The following RANBP2 variants were observed in gnomAD, a reference collection of about 807,000 sequenced individuals.
The protein encoded by RANBP2 is RAN binding protein 2.
RANBP2 carries 57 observed loss-of-function variants against 303.6 expected under a neutral mutation model. That is an observed-to-expected ratio of 0.19 (90% CI 0.15 to 0.23). The LOEUF is 0.23. Among genes scored for constraint, RANBP2 ranks in the 10% least tolerant of loss-of-function variants. The pLI is 1.00. For synonymous variants in RANBP2, 1,167 were observed against 1,301.5 expected, an observed-to-expected ratio of 0.90 and a Z score of 2.23; for missense variants, 3,138 against 3,780.8, an observed-to-expected ratio of 0.83 and a Z score of 4.46.
At chr2:109,167,428 G>C in the RANBP2 span, among the ~76,000 whole-genome samples, 3 of 152,176 alleles carry the variant, frequency 2.0e-5, no homozygotes, top group African/African-American at 7.2e-5. Context: ...TTATATCCTG[G>C]CAAGGGGTGA....
the RANBP2 span, among the ~76,000 whole-genome samples, chr2:109,277,300 G>C: frequency 1.1e-4 from 17 of 152,176 alleles, no homozygotes; most frequent in Admixed American, 1.1e-3. Flanking sequence ...GGATCACTGA[G>C]GTTTGCAGAT....
At chr2:108,919,802 G>A in the RANBP2 span, among the ~76,000 whole-genome samples, 8 of 152,202 alleles carry the variant, frequency 5.3e-5, no homozygotes, top group African/African-American at 1.9e-4. Context: ...CCCGCACTAC[G>A]AAGCTGCCTC....
At chr2:109,189,080 C>A in the RANBP2 span, among the ~76,000 whole-genome samples, 39,825 of 151,944 alleles carry the variant, frequency 0.26, 5,558 homozygotes, top group East Asian at 0.42. Context: ...ACTCACTCCC[C>A]CTGAAGCCAC....
intron 17 of RANBP2, 57 bp from the exon 18 acceptor site, chr2:108,758,356 T>G: frequency 6.2e-7 from 1 of 1,607,970 alleles, no homozygotes; most frequent in African/African-American, 1.3e-5. Flanking sequence ...CCAGCACTGT[T>G]TCTGTCATGA....
the RANBP2 span, among the ~76,000 whole-genome samples, chr2:109,113,356 T>G: frequency 6.6e-6 from 1 of 151,954 alleles, no homozygotes; most frequent in South Asian, 2.1e-4. Flanking sequence ...TCACGTCCCT[T>G]GTAAGTTGGA....
the RANBP2 span, among the ~76,000 whole-genome samples, chr2:109,520,499 T>C: frequency 8.0e-5 from 11 of 137,202 alleles, no homozygotes; most frequent in Non-Finnish European, 1.7e-4. Context: ...ACTCAGAAGG[T>C]TGAGGCAGAA....
chr2:108,768,153 T>C lies in RANBP2; in HGVS notation c.7614T>C (p.Ser2538=). The part of the protein sequence containing the change: ...EKSKPFAFGN[S]SATGSLFGFS... ...CAAAACCATTTGCATTCGGCAACAGTTCAGCCACTGGGTCTTTGTTTGGAT... is the reference window on the plus strand; with the variant it reads ...CAAAACCATTTGCATTCGGCAACAGCTCAGCCACTGGGTCTTTGTTTGGAT... The change falls in exon 20 of 29, where the codon AGT becomes AGC. Residue 2538 remains serine, a synonymous_variant. Transcript: ENST00000283195. The C allele has an allele frequency of 6.2e-7, 1 of 1,612,052 alleles. No homozygotes were observed. Among genetic ancestry groups the C allele is most frequent in the Non-Finnish European group, 8.5e-7 (1 of 1,179,864 alleles).
At chr2:109,281,413 A>C in the RANBP2 span, among the ~76,000 whole-genome samples, 1 of 152,218 alleles carries the variant, frequency 6.6e-6, no homozygotes. Context: ...TGACAGTCTC[A>C]GAGCAGGATG....
the RANBP2 span, among the ~76,000 whole-genome samples, chr2:109,486,861 A>G: frequency 6.6e-6 from 1 of 152,182 alleles, no homozygotes; most frequent in Admixed American, 6.5e-5. Flanking sequence ...TTCTCGGCAG[A>G]TCTGTCTCCC....
chr2:109,257,902 C>G, the RANBP2 span, among the ~76,000 whole-genome samples: 5 of 152,124 alleles, frequency 3.3e-5, no homozygotes, highest in Non-Finnish European at 7.3e-5. Context: ...ACACCAGGGC[C>G]AGGGCTGTCC....
chr2:109,423,717 T>G, the RANBP2 span, among the ~76,000 whole-genome samples: 1 of 152,124 alleles, frequency 6.6e-6, no homozygotes, highest in Non-Finnish European at 1.5e-5. Context: ...TGCCCAGCCT[T>G]GTGGTCAGCC....
chr2:108,763,592 C>T lies in RANBP2; in HGVS notation c.3053C>T (p.Ser1018Phe). The change falls in exon 20 of 29, where the codon TCT becomes TTT. Residue 1018 changes from serine (S) to phenylalanine (F), a missense_variant. This residue lies in a region of RANBP2 where 403 missense variants were observed against 376.7 expected (regional missense o/e 1.07). Transcript: ENST00000283195. The stretch of plus-strand genomic sequence containing the variant: ...ATGCCGGGTGAAGGATTAAGGCCAT[C>T]TTTGCCAACACAAGCACACACAACA... ...QPMPGEGLRP[S>F]LPTQAHTTQP... The T allele has an allele frequency of 6.2e-7, 1 of 1,614,112 alleles. No individual in the cohort carries two copies. Among genetic ancestry groups the T allele is most frequent in the Non-Finnish European group, 8.5e-7 (1 of 1,179,994 alleles).
the RANBP2 span, among the ~76,000 whole-genome samples, chr2:109,105,610 A>G: frequency 6.6e-6 from 1 of 152,188 alleles, no homozygotes; most frequent in Non-Finnish European, 1.5e-5. Context: ...GCTGGAGTAC[A>G]GTGGCGCAAT....
At chr2:109,357,478 G>T in the RANBP2 span, among the ~76,000 whole-genome samples, 6 of 152,212 alleles carry the variant, frequency 3.9e-5, no homozygotes, top group African/African-American at 1.4e-4. Flanking sequence ...ACCGCACCCG[G>T]CCAACAGAAT....
chr2:109,593,336 C>G, the RANBP2 span, among the ~76,000 whole-genome samples: 1 of 151,346 alleles, frequency 6.6e-6, no homozygotes, highest in Non-Finnish European at 1.5e-5. Flanking sequence ...TCAACATATA[C>G]AGTAATATAC....
the RANBP2 span, among the ~76,000 whole-genome samples, chr2:108,796,138 T>C: frequency 1.3e-5 from 2 of 152,144 alleles, no homozygotes; most frequent in African/African-American, 4.8e-5. Flanking sequence ...AAGCTCCGCC[T>C]CCTGGGTTCA....
In RANBP2 at chr2:108,764,407, G is replaced by A. The variant is rs1303074462; in HGVS notation, c.3868G>A (p.Glu1290Lys). The change falls in exon 20 of 29, where the codon GAA (glutamate) becomes AAA (lysine). Residue 1290 changes from glutamate (E) to lysine (K), a missense_variant. Transcript: ENST00000283195. ...QLAIRFKTPE[E>K]AALFKCKFEE... ...TGCTATTAGGTTCAAAACTCCTGAGGAAGCAGCACTTTTTAAATGCAAGTT... is the reference window on the plus strand; with the variant it reads ...TGCTATTAGGTTCAAAACTCCTGAGAAAGCAGCACTTTTTAAATGCAAGTT... 3 of 1,613,990 alleles carry A rather than the reference G, an allele frequency of 1.9e-6. No individual in the cohort carries two copies. Among genetic ancestry groups the A allele is most frequent in the Non-Finnish European group, 2.5e-6 (3 of 1,179,962 alleles).
At chr2:109,094,084 G>A in the RANBP2 span, among the ~76,000 whole-genome samples, 4 of 152,144 alleles carry the variant, frequency 2.6e-5, no homozygotes, top group Non-Finnish European at 5.9e-5. Flanking sequence ...TTTTGGGGAT[G>A]GTTAATGGCA....
rs1466297697 is a variant in RANBP2, at chr2:108,782,384, C to T, written c.9017C>T (p.Thr3006Ile). 3 of 1,613,882 alleles carry T rather than the reference C, an allele frequency of 1.9e-6. No individual in the cohort carries two copies. Among genetic ancestry groups the T allele is most frequent in the African/African-American group, 1.3e-5 (1 of 74,928 alleles). Residue 3006 changes from threonine (T) to isoleucine (I), a missense_variant, in exon 27 of 29, where the codon ACT becomes ATT. Thr to Ile is a moderately conservative substitution (Grantham distance 89). Around this residue, in one of 20 missense-constraint regions of RANBP2, gnomAD observed 204 missense variants for 228.4 expected, o/e 0.89. Transcript: ENST00000283195. ...GTTTCAAATAATGCTTTAGTTTGGA[C>T]TGCCTCAGATTATGCTGGTGAGTTT... Reference protein sequence around the residue: ...LNVSNNALVWTASDYADGEAK... With the variant: ...LNVSNNALVWIASDYADGEAK...
Sources: gnomAD v4.1 joint callset for allele counts (sites outside exome capture counted in the v4.1 genomes callset) on GRCh38, gnomAD v4.1.1 for gene constraint, gnomAD v4.1.1 regional missense constraint, MANE v1.5 for transcripts, NCBI Gene and HGNC (gene_info 2026-07-23, HGNC 2026-07-21) for gene names.